The following OXR1 variants were observed in gnomAD, a reference collection of about 807,000 sequenced individuals.
OXR1 encodes oxidation resistance protein 1.
A neutral mutation model predicts 104.6 loss-of-function variants in OXR1; 41 were observed. The observed-to-expected ratio is 0.39, with a 90% CI of 0.31 to 0.51. The LOEUF (loss-of-function observed/expected upper bound fraction) is 0.51, where lower values mean the gene tolerates loss of function less well. OXR1 is among the 20% of genes least tolerant of loss of function. The pLI is 0.77. For missense variants in OXR1, 955 were observed against 1,031.9 expected, an observed-to-expected ratio of 0.93 and a Z score of 1.02; for synonymous variants, 348 against 348.4, an observed-to-expected ratio of 1.00 and a Z score of 0.01.
chr8:106,630,585 GAAGT>G (rs1338793968), intron 3 of OXR1, among the ~76,000 whole-genome samples: 1 of 152,188 alleles, frequency 6.6e-6, no homozygotes, highest in Non-Finnish European at 1.5e-5. Context: ...GCACGTGCAA[GAAGT>G]AAAAGCTATG....
intron 1 of OXR1, among the ~76,000 whole-genome samples, chr8:106,274,612 A>ACCCCCCCCCCCCCCCCCCCCCCCC (rs1586459663): frequency 3.5e-5 from 2 of 56,604 alleles, no homozygotes; most frequent in African/African-American, 1.3e-4. Context: ...CCCCCCCCCG[A>ACCCCCCCCCCCCCCCCCCCCCCCC]CCCCGCCCTT....
chr8:106,736,135 T>C (rs1037597318), intron 11 of OXR1, among the ~76,000 whole-genome samples: 2 of 149,324 alleles, frequency 1.3e-5, no homozygotes, highest in Non-Finnish European at 3.0e-5. Flanking sequence ...ACAAAATTGA[T>C]AGGCAATGGG....
At chr8:106,501,302 A>G (rs539574388) in intron 2 of OXR1, among the ~76,000 whole-genome samples, 5 of 152,104 alleles carry the variant, frequency 3.3e-5, no homozygotes, top group African/African-American at 4.8e-5. Flanking sequence ...AGTTGGTGCA[A>G]TTTCTCAGAA....
At chr8:106,736,851 G>A (rs1300881655) in intron 11 of OXR1, among the ~76,000 whole-genome samples, 1 of 151,994 alleles carries the variant, frequency 6.6e-6, no homozygotes, top group African/African-American at 2.4e-5. Context: ...TAAAACAGGA[G>A]AGAGGCAAAA....
chr8:106,486,343 G>A (rs907068061), intron 2 of OXR1, among the ~76,000 whole-genome samples: 1 of 151,962 alleles, frequency 6.6e-6, no homozygotes, highest in Non-Finnish European at 1.5e-5. Context: ...CAAGCTGCAC[G>A]CCATGTTTCA....
intron 11 of OXR1, among the ~76,000 whole-genome samples, chr8:106,714,490 T>C (rs1832039786): frequency 6.6e-6 from 1 of 152,096 alleles, no homozygotes; most frequent in Admixed American, 6.6e-5. Context: ...TCAATAATAA[T>C]TTTAAGGAAA....
At chr8:106,664,044 G>A (rs542009037) in intron 3 of OXR1, among the ~76,000 whole-genome samples, 10 of 152,326 alleles carry the variant, frequency 6.6e-5, no homozygotes, top group Non-Finnish European at 8.8e-5. Flanking sequence ...ATGGGAGGAA[G>A]AGAATACTCT....
chr8:106,523,950 A>T (rs1320544515), intron 3 of OXR1, among the ~76,000 whole-genome samples: 1 of 151,598 alleles, frequency 6.6e-6, no homozygotes. Flanking sequence ...AAGTTTTTGT[A>T]TTTTTTTAGT....
At chr8:106,298,719 A>G (rs926727170) in intron 1 of OXR1, among the ~76,000 whole-genome samples, 1 of 150,362 alleles carries the variant, frequency 6.7e-6, no homozygotes, top group African/African-American at 2.4e-5. Flanking sequence ...ATACTTTTTT[A>G]TTGCAAGAAA....
chr8:106,464,763 T>C (rs1255745966), intron 2 of OXR1, among the ~76,000 whole-genome samples: 1 of 152,062 alleles, frequency 6.6e-6, no homozygotes, highest in Non-Finnish European at 1.5e-5. Context: ...ATTCATTTAT[T>C]TGATGAGTAT....
At chr8:106,277,374 C>T (rs1379331528) in intron 1 of OXR1, among the ~76,000 whole-genome samples, 1 of 152,162 alleles carries the variant, frequency 6.6e-6, no homozygotes, top group African/African-American at 2.4e-5. Flanking sequence ...GATTCGGTGA[C>T]ATAAGCAAGT....
chr8:106,417,716 G>C (rs549985257), intron 2 of OXR1, among the ~76,000 whole-genome samples: 127 of 152,250 alleles, frequency 8.3e-4, no homozygotes, highest in African/African-American at 2.7e-3. Flanking sequence ...CATTCATACA[G>C]TGTTACTACT....
chr8:106,497,072 G>T (rs1237498418), intron 2 of OXR1, among the ~76,000 whole-genome samples: 1 of 152,178 alleles, frequency 6.6e-6, no homozygotes, highest in Non-Finnish European at 1.5e-5. Context: ...CTCAGTGTTA[G>T]ATTTAAGTTG....
intron 2 of OXR1, among the ~76,000 whole-genome samples, chr8:106,426,988 A>G (rs1427693995): frequency 6.6e-6 from 1 of 152,034 alleles, no homozygotes; most frequent in Non-Finnish European, 1.5e-5. Flanking sequence ...GACTCATCAG[A>G]TATTTCCTCC....
At chr8:106,649,074 A>G (rs1824322388) in intron 3 of OXR1, among the ~76,000 whole-genome samples, 1 of 152,094 alleles carries the variant, frequency 6.6e-6, no homozygotes, top group African/African-American at 2.4e-5. Context: ...GTGTGATAGC[A>G]TGTGCCTATG....
intron 1 of OXR1, among the ~76,000 whole-genome samples, chr8:106,299,847 GAAGGACTA>G (rs1813156714): frequency 6.6e-6 from 1 of 152,116 alleles, no homozygotes; most frequent in Non-Finnish European, 1.5e-5. Flanking sequence ...ACACATTGAT[GAAGGACTA>G]TAGTGCATGA....
At chr8:106,320,721 G>C (rs553484485) in intron 1 of OXR1, among the ~76,000 whole-genome samples, 64 of 152,092 alleles carry the variant, frequency 4.2e-4, no homozygotes, top group African/African-American at 1.5e-3. Context: ...GCCCAGGCTG[G>C]AGTGCAGTGA....
At chr8:106,504,003 C>A (rs1237495156) in intron 2 of OXR1, among the ~76,000 whole-genome samples, 1 of 152,174 alleles carries the variant, frequency 6.6e-6, no homozygotes, top group Admixed American at 6.5e-5. Flanking sequence ...TCCCACCCAA[C>A]AAGAGAGAGT....
chr8:106,426,186 T>C (rs1294652549), intron 2 of OXR1, among the ~76,000 whole-genome samples: 1 of 152,090 alleles, frequency 6.6e-6, no homozygotes, highest in African/African-American at 2.4e-5. Flanking sequence ...TGACCTATTA[T>C]GAGAATAAAA....
Sources: allele counts gnomAD v4.1 joint callset (sites outside exome capture counted in the v4.1 genomes callset), GRCh38; gene constraint gnomAD v4.1.1; transcripts MANE v1.5; gene names NCBI Gene and HGNC (gene_info 2026-07-23, HGNC 2026-07-21).